Variants in KRABD3 observed in about 807,000 individuals in gnomAD.
The protein encoded by KRABD3 is KRAB domain containing 3.
chr7:149,721,588 C>A, the KRABD3 span: 1 of 1,579,654 alleles, frequency 6.3e-7, no homozygotes, highest in South Asian at 1.1e-5. Context: ...AAGCCCTGAT[C>A]GTGGCGTCAG....
the KRABD3 span, among the ~76,000 whole-genome samples, chr7:149,731,311 C>G: frequency 4.3e-4 from 66 of 152,324 alleles, no homozygotes; most frequent in East Asian, 0.01. Flanking sequence ...TTCTTCACTC[C>G]GCAGTGGGCC....
At chr7:149,720,048 C>G in the KRABD3 span, 1 of 1,552,722 alleles carries the variant, frequency 6.4e-7, no homozygotes, top group African/African-American at 1.4e-5. Context: ...TCCTGTCACC[C>G]TCAGAGCCTG....
the KRABD3 span, among the ~76,000 whole-genome samples, chr7:149,732,715 A>G: frequency 6.6e-6 from 1 of 152,216 alleles, no homozygotes; most frequent in Non-Finnish European, 1.5e-5. This position sits in a 1 kb window ranked among gnomAD's most constrained non-coding sequence, Gnocchi z 4.0. Context: ...TTTGCCTGTA[A>G]CGAAGAGCAC....
the KRABD3 span, chr7:149,733,556 G>A: frequency 1.2e-6 from 2 of 1,600,396 alleles, no homozygotes; most frequent in Non-Finnish European, 1.7e-6. Flanking sequence ...TCATGGCCCT[G>A]GTCACAGACA....
At chr7:149,723,966 C>CTGTCGGG in the KRABD3 span, 1 of 1,507,194 alleles carries the variant, frequency 6.6e-7, no homozygotes, top group South Asian at 1.2e-5. Context: ...TGTAGGTGGC[C>CTGTCGGG]CCCACCACAA....
At chr7:149,725,411 C>T in the KRABD3 span, 13 of 1,611,814 alleles carry the variant, frequency 8.1e-6, no homozygotes, top group Non-Finnish European at 1.0e-5. Flanking sequence ...CCACCCACTT[C>T]TTGTTCCCAG....
chr7:149,732,250 C>T, the KRABD3 span, among the ~76,000 whole-genome samples: 134 of 152,324 alleles, frequency 8.8e-4, 1 homozygote, highest in Admixed American at 7.9e-3. The surrounding 1 kb of genome is among the most constrained non-coding windows in gnomAD (Gnocchi z 4.0). Context: ...TCTGTCCAGG[C>T]GCCACCACTT....
chr7:149,724,361 G>T, the KRABD3 span, among the ~76,000 whole-genome samples: 9 of 152,272 alleles, frequency 5.9e-5, no homozygotes, highest in East Asian at 1.7e-3. Context: ...TGAGCAGCTG[G>T]GTTGAGTCAG....
chr7:149,722,983 T>C, the KRABD3 span: 1 of 1,514,396 alleles, frequency 6.6e-7, no homozygotes, highest in Non-Finnish European at 8.8e-7. Context: ...CAGGCTGAGG[T>C]CTCTGAAGCT....
chr7:149,727,811 C>T, the KRABD3 span, among the ~76,000 whole-genome samples: 1 of 152,200 alleles, frequency 6.6e-6, no homozygotes, highest in Non-Finnish European at 1.5e-5. Context: ...GGAGAAAATG[C>T]ATGTGGGGGT....
chr7:149,722,611 G>T, the KRABD3 span: 3 of 1,559,488 alleles, frequency 1.9e-6, no homozygotes, highest in Non-Finnish European at 2.6e-6. Flanking sequence ...TAGTTCACAC[G>T]AGGAGGTCAT....
At chr7:149,723,844 C>T in the KRABD3 span, 8 of 1,613,758 alleles carry the variant, frequency 5.0e-6, no homozygotes, top group Admixed American at 3.3e-5. Context: ...AGTGGGGAAC[C>T]GACGGCTACA....
At chr7:149,721,340 G>A in the KRABD3 span, 3 of 1,548,072 alleles carry the variant, frequency 1.9e-6, no homozygotes, top group Non-Finnish European at 2.6e-6. Flanking sequence ...CAATGTTAGG[G>A]GCATCTTACC....
At chr7:149,728,565 G>A in the KRABD3 span, 50 of 1,613,754 alleles carry the variant, frequency 3.1e-5, no homozygotes, top group South Asian at 5.4e-4. Flanking sequence ...CTGGAGAATT[G>A]TCTCAAGGAG....
the KRABD3 span, among the ~76,000 whole-genome samples, chr7:149,724,069 C>T: frequency 1.7e-3 from 264 of 152,242 alleles, 8 homozygotes; most frequent in East Asian, 0.043. Context: ...GGGAGGGGCT[C>T]GGTCAGCGCT....
chr7:149,723,454 A>C, the KRABD3 span: 2 of 457,710 alleles, frequency 4.4e-6, no homozygotes, highest in East Asian at 7.3e-5. Context: ...AGGACCCCAG[A>C]GCTGTCTCAA....
the KRABD3 span, among the ~76,000 whole-genome samples, chr7:149,727,551 C>T: frequency 6.6e-6 from 1 of 152,246 alleles, no homozygotes; most frequent in Non-Finnish European, 1.5e-5. Flanking sequence ...TACATGCCCC[C>T]TCCAGGCTGC....
the KRABD3 span, among the ~76,000 whole-genome samples, chr7:149,718,993 G>A: frequency 1.3e-5 from 2 of 152,212 alleles, no homozygotes; most frequent in South Asian, 2.1e-4. Flanking sequence ...TCTAAACCCA[G>A]CACACAAACT....
the KRABD3 span, among the ~76,000 whole-genome samples, chr7:149,717,276 T>C: frequency 3.3e-5 from 5 of 152,200 alleles, no homozygotes; most frequent in Non-Finnish European, 7.3e-5. Flanking sequence ...ACCACGTCAT[T>C]TGCTCAGCCT....
Sources: allele counts gnomAD v4.1 joint callset (sites outside exome capture counted in the v4.1 genomes callset), GRCh38; gene constraint gnomAD v4.1.1; non-coding constraint Gnocchi (gnomAD v3.1); transcripts MANE v1.5; gene names NCBI Gene and HGNC (gene_info 2026-07-23, HGNC 2026-07-21).